SDK1: variants seen among roughly 807,000 people sequenced by gnomAD.
SDK1 encodes protein sidekick-1.
SDK1 carries 157 observed loss-of-function variants against 245.5 expected under a neutral mutation model. The observed-to-expected ratio is 0.64, with a 90% CI of 0.56 to 0.73. The LOEUF is 0.73. SDK1 is among the 30% of genes least tolerant of loss of function. The pLI, the probability that SDK1 is intolerant of heterozygous loss-of-function variation, is 0.00. For synonymous variants in SDK1, 1,647 were observed against 1,278.5 expected (o/e 1.29, Z -6.15); for missense variants, 3,583 against 3,002.3 (o/e 1.19, Z -4.52).
intron 22 of SDK1, among the ~76,000 whole-genome samples, chr7:4,105,713 G>A (rs1467448185): frequency 1.3e-5 from 2 of 152,214 alleles, no homozygotes; most frequent in East Asian, 3.9e-4. Flanking sequence ...CTGGCAGCCT[G>A]GCAGGGGCAG....
chr7:4,170,239 T>C (rs1781753588), intron 32 of SDK1, among the ~76,000 whole-genome samples: 1 of 152,080 alleles, frequency 6.6e-6, no homozygotes, highest in Admixed American at 6.6e-5. Flanking sequence ...CTAAGCCCAG[T>C]AGTTCGAGAC....
intron 5 of SDK1, among the ~76,000 whole-genome samples, chr7:3,936,828 G>A (rs1780178513): frequency 1.3e-5 from 2 of 152,196 alleles, no homozygotes; most frequent in Non-Finnish European, 2.9e-5. Context: ...CCTGCTGGAT[G>A]GGTGGGATTT....
chr7:3,351,961 G>T (rs1300024710), intron 1 of SDK1, among the ~76,000 whole-genome samples: 1 of 151,886 alleles, frequency 6.6e-6, no homozygotes, highest in East Asian at 1.9e-4. Flanking sequence ...ATCTGACATT[G>T]ATTACATATA....
chr7:3,309,841 G>A lies in SDK1; in HGVS notation c.298+7957G>A, dbSNP rs1411154982. 2.0e-5 allele frequency among the ~76,000 whole-genome samples: 3 copies of A among 152,092 alleles called. No homozygotes were observed. The South Asian group carries it at 6.2e-4, about 32-fold the overall frequency. On this transcript the variant is annotated intron_variant, in intron 1 of 44. Transcript: ENST00000404826. The stretch of plus-strand genomic sequence containing the variant: ...GTAGAATTTGTTTTATTTTTGCCTT[G>A]TAGGCATATTCCCTTTTTCTAAGCG...
intron 5 of SDK1, among the ~76,000 whole-genome samples, chr7:3,911,247 C>A (rs1419814613): frequency 6.6e-6 from 1 of 152,180 alleles, no homozygotes; most frequent in African/African-American, 2.4e-5. Flanking sequence ...AAAACCCATG[C>A]TTCTTTGTCC....
intron 4 of SDK1, among the ~76,000 whole-genome samples, chr7:3,723,215 A>G (rs1778873994): frequency 6.6e-6 from 1 of 152,230 alleles, no homozygotes; most frequent in African/African-American, 2.4e-5. Flanking sequence ...TAAGAGTTCA[A>G]AATGAGACAG....
chr7:3,409,032 A>G (rs888063202), intron 1 of SDK1, among the ~76,000 whole-genome samples: 4 of 152,334 alleles, frequency 2.6e-5, no homozygotes, highest in Middle Eastern at 3.4e-3. Context: ...TCAGGCTGCT[A>G]AAATGAAACA....
At chr7:4,083,521 C>T (rs1292538973) in intron 22 of SDK1, among the ~76,000 whole-genome samples, 1 of 146,252 alleles carries the variant, frequency 6.8e-6, no homozygotes, top group Non-Finnish European at 1.5e-5. Flanking sequence ...ATTCCATTTC[C>T]ACTCCTCCCT....
intron 21 of SDK1, 126 bp from the exon 22 acceptor site, chr7:4,079,337 G>A (rs1006293678): frequency 1.7e-6 from 2 of 1,187,476 alleles, no homozygotes; most frequent in Admixed American, 1.9e-5. Context: ...ATGGTTTTGA[G>A]AGCAAATCCT....
intron 1 of SDK1, among the ~76,000 whole-genome samples, chr7:3,356,583 A>G (rs1281233737): frequency 1.3e-5 from 2 of 152,186 alleles, no homozygotes; most frequent in Admixed American, 6.5e-5. Context: ...TTCTGAAGAT[A>G]ATTTTATCTG....
chr7:3,690,724 T>G (rs1389354558), intron 4 of SDK1, among the ~76,000 whole-genome samples: 2 of 152,236 alleles, frequency 1.3e-5, no homozygotes, highest in Non-Finnish European at 2.9e-5. Flanking sequence ...AACATTATAC[T>G]GATATATTTT....
chr7:3,835,467 C>G (rs544639339), intron 5 of SDK1, among the ~76,000 whole-genome samples: 57 of 152,144 alleles, frequency 3.7e-4, no homozygotes, highest in Non-Finnish European at 7.2e-4. Context: ...CGTTGCTGGA[C>G]ACTTTCACTT....
At chr7:3,962,940 T>G in intron 9 of SDK1, 89 bp downstream of exon 9, 1 of 505,484 alleles carries the variant, frequency 2.0e-6, no homozygotes, top group Non-Finnish European at 3.1e-6. Flanking sequence ...AACCAGTGGG[T>G]ACACCCAGGC....
rs1357003076 is a variant in SDK1, at chr7:3,642,636, A to G, written c.713+531A>G. On this transcript the variant is annotated intron_variant, in intron 4 of 44. Coordinates refer to ENST00000404826, the MANE Select transcript of SDK1 (RefSeq NM_152744.4). ...TAGTGGTTCACCCATCTATTGCAGA[A>G]TAGTTGCTTTGTGATTAGTTAGGCA... Among the ~76,000 whole-genome samples, 6 of 152,376 alleles carry G rather than the reference A, an allele frequency of 3.9e-5. No homozygotes were observed. The East Asian group carries it at 9.6e-4, about 24-fold the overall frequency.
At chr7:4,110,863 G>T (rs780050085) in intron 23 of SDK1, 91 bp downstream of exon 23, 7 of 841,382 alleles carry the variant, frequency 8.3e-6, no homozygotes, top group African/African-American at 3.3e-5. Flanking sequence ...CCAGTCGTAC[G>T]TATGCAAATC....
chr7:3,944,314 T>C (rs989021081), intron 5 of SDK1, among the ~76,000 whole-genome samples: 1 of 152,248 alleles, frequency 6.6e-6, no homozygotes, highest in East Asian at 1.9e-4. Context: ...CATGTGTAAA[T>C]CATTTACCAA....
At chr7:4,183,640 C>CAAAAAA (rs548155248) in intron 35 of SDK1, among the ~76,000 whole-genome samples, 4 of 73,152 alleles carry the variant, frequency 5.5e-5, no homozygotes, top group Admixed American at 1.6e-4. Flanking sequence ...GACTCCGTCT[C>CAAAAAA]AAAAAAAAAA....
In SDK1 at chr7:3,777,531, C is replaced by T. The variant is rs77799780; in HGVS notation, c.714-43919C>T. Among the ~76,000 whole-genome samples, 589 of 152,288 alleles carry T rather than the reference C, an allele frequency of 3.9e-3. 4 individuals are homozygous for T. Among genetic ancestry groups the T allele is most frequent in the African/African-American group, 0.014 (574 of 41,556 alleles). On this transcript the variant is annotated intron_variant, in intron 4 of 44. Transcript: ENST00000404826. The stretch of plus-strand genomic sequence containing the variant: ...CAGAACCCAGGCCTGTGTCCTTGTA[C>T]TCAGGTTGCCACAGCATTCCTCCTG...
chr7:3,678,528 A>G (rs572024250), intron 4 of SDK1, among the ~76,000 whole-genome samples: 2 of 152,352 alleles, frequency 1.3e-5, no homozygotes, highest in East Asian at 3.9e-4. Context: ...AGCCAGACAT[A>G]AAAGAACACC....
Sources: allele counts gnomAD v4.1 joint callset (sites outside exome capture counted in the v4.1 genomes callset), GRCh38; gene constraint gnomAD v4.1.1; transcripts MANE v1.5; gene names NCBI Gene and HGNC (gene_info 2026-07-23, HGNC 2026-07-21).